Variants in RHOBTB1 observed in about 807,000 individuals in gnomAD.
RHOBTB1 encodes the protein rho-related BTB domain-containing protein 1.
RHOBTB1 carries 40 observed loss-of-function variants against 71.6 expected under a neutral mutation model. The ratio of observed to expected loss-of-function variants is 0.56; its 90% CI spans 0.43 to 0.73. The LOEUF (loss-of-function observed/expected upper bound fraction) is 0.73, where lower values mean the gene tolerates loss of function less well. RHOBTB1 is among the 30% of genes least tolerant of loss of function. RHOBTB1 has a pLI of 0.00. For synonymous variants in RHOBTB1, 319 were observed against 334.9 expected (o/e 0.95, Z 0.52); for missense variants, 797 against 894.0 (o/e 0.89, Z 1.38).
intron 2 of RHOBTB1, among the ~76,000 whole-genome samples, chr10:60,916,879 C>T (rs530014655): frequency 1.4e-4 from 21 of 152,232 alleles, no homozygotes; most frequent in African/African-American, 2.9e-4. Context: ...CCTTTAAATG[C>T]GGAAGAGGTA....
chr10:60,890,835 T>C (rs967711217), intron 5 of RHOBTB1, among the ~76,000 whole-genome samples: 3 of 152,332 alleles, frequency 2.0e-5, no homozygotes, highest in East Asian at 1.9e-4. Context: ...CCTGAGAGCA[T>C]TGTGTTCCTT....
intron 2 of RHOBTB1, among the ~76,000 whole-genome samples, chr10:60,941,473 G>A (rs1296926627): frequency 1.3e-5 from 2 of 152,064 alleles, no homozygotes; most frequent in Non-Finnish European, 2.9e-5. Flanking sequence ...AGAGTGCTAA[G>A]ATTAGGATAG....
chr10:60,919,693 A>G (rs2083452952), intron 2 of RHOBTB1, among the ~76,000 whole-genome samples: 1 of 152,246 alleles, frequency 6.6e-6, no homozygotes, highest in Non-Finnish European at 1.5e-5. Context: ...ATAGAAGTCT[A>G]TGGATGCAAA....
At chr10:60,918,734 TC>T (rs1404545492) in intron 2 of RHOBTB1, among the ~76,000 whole-genome samples, 3 of 151,510 alleles carry the variant, frequency 2.0e-5, no homozygotes, top group Non-Finnish European at 4.4e-5. Flanking sequence ...TATTTGCATT[TC>T]TTTTCTTTTC....
At chr10:60,875,077 C>T in intron 8 of RHOBTB1, 35 bp from the exon 9 acceptor site, 2 of 1,541,740 alleles carry the variant, frequency 1.3e-6, no homozygotes, top group Non-Finnish European at 1.8e-6. Context: ...GAACATTAAA[C>T]CACGCCCTGC....
chr10:60,955,064 A>G (rs1230424280), intron 2 of RHOBTB1, among the ~76,000 whole-genome samples: 1 of 42,468 alleles, frequency 2.4e-5, no homozygotes, highest in Admixed American at 2.6e-4. Context: ...TTTTTTTTTA[A>G]GATGTAGTCT....
At chr10:60,918,103 A>C (rs2133624388) in intron 2 of RHOBTB1, among the ~76,000 whole-genome samples, 1 of 152,300 alleles carries the variant, frequency 6.6e-6, no homozygotes, top group South Asian at 2.1e-4. Flanking sequence ...CGAATCATCA[A>C]GTGTTTGTGG....
At chr10:60,971,347 A>G (rs1393738246) in intron 2 of RHOBTB1, among the ~76,000 whole-genome samples, 1 of 151,880 alleles carries the variant, frequency 6.6e-6, no homozygotes, top group African/African-American at 2.4e-5. Flanking sequence ...CAAAACAGAT[A>G]TATAGACCAA....
intron 2 of RHOBTB1, 41 bp from the exon 3 acceptor site, chr10:60,911,593 C>T: frequency 1.3e-6 from 2 of 1,516,108 alleles, no homozygotes; most frequent in South Asian, 2.3e-5. Flanking sequence ...GACACCAAGG[C>T]TTTCCAGAGC....
intron 9 of RHOBTB1, among the ~76,000 whole-genome samples, chr10:60,873,740 C>T (rs764341563): frequency 2.6e-5 from 4 of 152,194 alleles, no homozygotes; most frequent in Non-Finnish European, 5.9e-5. Context: ...CTTGCTGATT[C>T]GACTGCATTA....
rs758804260 is a variant in RHOBTB1, at chr10:60,877,953, C to T, written c.1681G>A (p.Ala561Thr). Reference protein sequence around the residue: ...NLDLDPLELIALANRFCLPHL... With the variant: ...NLDLDPLELITLANRFCLPHL... ...GGCAGGCAAAATCTGTTTGCCAAGG[C>T]AATTAATTCCAGCGGGTCCAGATCC... The change falls in exon 8 of 11, where the codon GCC becomes ACC. Residue 561 changes from alanine to threonine, a missense_variant. Physicochemically the swap from Ala to Thr is moderately conservative, Grantham distance 58. Coordinates refer to ENST00000337910, the MANE Select transcript of RHOBTB1 (RefSeq NM_014836.5). 6.2e-7 allele frequency: 1 copy of T among 1,613,986 alleles called. No individual in the cohort carries two copies. The highest frequency in any genetic ancestry group is 1.7e-5 in the Admixed American group (1 of 60,000).
intron 2 of RHOBTB1, among the ~76,000 whole-genome samples, chr10:60,915,314 C>T (rs557637618): frequency 2.6e-5 from 4 of 152,066 alleles, no homozygotes; most frequent in East Asian, 1.9e-4. Flanking sequence ...TTTTTATTTA[C>T]GTAGAATGAG....
chr10:60,872,167 G>T lies in RHOBTB1; in HGVS notation c.1921+18C>A. ...AGGTGAGGAGAGCTGGATGAATGGGGGCCTCACACAGTCTCACCTGCAGAT... is the reference window on the plus strand; with the variant it reads ...AGGTGAGGAGAGCTGGATGAATGGGTGCCTCACACAGTCTCACCTGCAGAT... On this transcript the variant is annotated intron_variant, in intron 10 of 10. Transcript: ENST00000337910. The T allele has an allele frequency of 6.5e-7, 1 of 1,538,240 alleles. No homozygotes were observed. Among genetic ancestry groups the T allele is most frequent in the Non-Finnish European group, 9.0e-7 (1 of 1,110,714 alleles).
chr10:60,920,945 T>G (rs1266353680), intron 2 of RHOBTB1, among the ~76,000 whole-genome samples: 5 of 123,562 alleles, frequency 4.0e-5, no homozygotes, highest in East Asian at 2.8e-4. Context: ...GACTGATTTG[T>G]TTTTTTTTTG....
chr10:60,955,744 A>C (rs1441287201), intron 2 of RHOBTB1, among the ~76,000 whole-genome samples: 1 of 152,180 alleles, frequency 6.6e-6, no homozygotes, highest in Non-Finnish European at 1.5e-5. Context: ...AAGGGTCCAG[A>C]GTTTGAATGC....
At position 60,976,346 on chromosome 10, in the gene RHOBTB1, T is replaced by C. The variant is rs369393750; in HGVS notation, c.-62+9499A>G. ...TTATATATATATTCTTTTCTATTTT[T>C]ATCACAGAGAGTAAGATCGCTGAAA... On this transcript the variant is annotated intron_variant, in intron 2 of 11. Transcript: ENST00000357917. Among the ~76,000 whole-genome samples, 15 of 151,784 alleles carry C rather than the reference T, an allele frequency of 9.9e-5. No individual in the cohort carries two copies. The East Asian group carries it at 2.1e-3, about 22-fold the overall frequency.
chr10:60,888,330 C>T lies in RHOBTB1; in HGVS notation c.1338G>A (p.Arg446=). The T allele has an allele frequency of 2.5e-6, 4 of 1,614,166 alleles. No homozygotes were observed. The highest frequency in any genetic ancestry group is 3.4e-6 in the Non-Finnish European group (4 of 1,180,020). Residue 446 remains arginine, a synonymous_variant, in exon 6 of 11, where the codon AGG becomes AGA. Transcript: ENST00000337910. The part of the protein sequence containing the change: ...IAEVLEMFDL[R]MMVENIMNKE... ...TGTTCATGATGTTTTCCACCATCAT[C>T]CTCAAATCGAACATCTCGAGGACCT...
chr10:60,935,606 T>C (rs2084534481), intron 2 of RHOBTB1, among the ~76,000 whole-genome samples: 1 of 152,166 alleles, frequency 6.6e-6, no homozygotes, highest in Non-Finnish European at 1.5e-5. Flanking sequence ...CTATATGATC[T>C]GTGCAGAAGC....
chr10:60,914,017 G>C (rs1318892116), intron 2 of RHOBTB1, among the ~76,000 whole-genome samples: 1 of 152,132 alleles, frequency 6.6e-6, no homozygotes, highest in African/African-American at 2.4e-5. Context: ...CAACAAAATT[G>C]AGTCAGGAGG....
Sources: gnomAD v4.1 joint callset for allele counts (sites outside exome capture counted in the v4.1 genomes callset) on GRCh38, gnomAD v4.1.1 for gene constraint, MANE v1.5 for transcripts, NCBI Gene and HGNC (gene_info 2026-07-23, HGNC 2026-07-21) for gene names.